SCFD2: variants seen among roughly 807,000 people sequenced by gnomAD.
The protein encoded by SCFD2 is sec1 family domain containing 2, also known as sec1 family domain-containing protein 2.
In SCFD2, 54 loss-of-function variants were observed where a neutral mutation model predicts 58.9. That is an observed-to-expected ratio of 0.92 (90% CI 0.74 to 1.15). The LOEUF is 1.15. Ranked by LOEUF, SCFD2 falls within the 50% of genes most tolerant of loss-of-function variation. The pLI, the probability that SCFD2 is intolerant of heterozygous loss-of-function variation, is 0.00. For synonymous variants in SCFD2, 321 were observed against 335.9 expected (o/e 0.96, Z 0.49); for missense variants, 805 against 836.6 (o/e 0.96, Z 0.47).
At chr4:53,184,181 G>A (rs1002721979) in intron 4 of SCFD2, among the ~76,000 whole-genome samples, 15 of 152,042 alleles carry the variant, frequency 9.9e-5, no homozygotes, top group Admixed American at 3.9e-4. Flanking sequence ...ACATCATTTA[G>A]TAACATAACC....
intron 4 of SCFD2, among the ~76,000 whole-genome samples, chr4:53,233,343 C>A (rs1234119953): frequency 6.6e-6 from 1 of 151,308 alleles, no homozygotes; most frequent in African/African-American, 2.4e-5. Flanking sequence ...CCCTTTTGGT[C>A]ATGCAAGAAT....
At chr4:53,116,274 G>A (rs1309216091) in intron 5 of SCFD2, among the ~76,000 whole-genome samples, 2 of 152,152 alleles carry the variant, frequency 1.3e-5, no homozygotes, top group Non-Finnish European at 1.5e-5. Context: ...CACATTAAAT[G>A]TTCATAGTGA....
chr4:53,098,628 T>G (rs1036204581), intron 5 of SCFD2, among the ~76,000 whole-genome samples: 1 of 152,108 alleles, frequency 6.6e-6, no homozygotes, highest in Non-Finnish European at 1.5e-5. Context: ...CTGTTCCCTC[T>G]CTCTGGAAAG....
chr4:53,344,136 T>A lies in SCFD2; in HGVS notation c.1007+8462A>T, dbSNP rs1288275334. ...GGTGAAAGAAATAAAGGATATTCAA[T>A]TAGGAAAAAAGGAAGTCAAATTGTC... On this transcript the variant is annotated intron_variant, in intron 2 of 8. Transcript: ENST00000401642. 2.6e-5 allele frequency among the ~76,000 whole-genome samples: 4 copies of A among 151,710 alleles called. No homozygotes were observed. In the East Asian group the frequency reaches 8.0e-4, roughly 30 times the overall value.
At chr4:53,160,037 A>T (rs954914764) in intron 4 of SCFD2, among the ~76,000 whole-genome samples, 2 of 152,226 alleles carry the variant, frequency 1.3e-5, no homozygotes, top group Admixed American at 6.5e-5. Flanking sequence ...GACTGGAACT[A>T]TGGCATGGGC....
chr4:53,122,601 T>C (rs1725512159), intron 5 of SCFD2, among the ~76,000 whole-genome samples: 1 of 152,166 alleles, frequency 6.6e-6, no homozygotes, highest in Non-Finnish European at 1.5e-5. Context: ...TAGTAGGCAA[T>C]ACACGCAGAC....
At chr4:52,883,712 T>C (rs905150782) in intron 8 of SCFD2, among the ~76,000 whole-genome samples, 5 of 152,170 alleles carry the variant, frequency 3.3e-5, no homozygotes, top group Non-Finnish European at 7.3e-5. Flanking sequence ...GAAGTGTGGT[T>C]TCTGATGAAA....
chr4:52,958,967 C>T (rs1720778001), intron 5 of SCFD2, among the ~76,000 whole-genome samples: 1 of 152,112 alleles, frequency 6.6e-6, no homozygotes, highest in African/African-American at 2.4e-5. Context: ...GTGTAATCCT[C>T]CCAATAACTC....
chr4:53,082,653 ACAGGGGTGACCAAGATT>A (rs1398114404), intron 5 of SCFD2, among the ~76,000 whole-genome samples: 9 of 152,258 alleles, frequency 5.9e-5, no homozygotes, highest in Admixed American at 5.2e-4. Context: ...ACCCTCACAC[ACAGGGGTGACCAAGATT>A]TAATCCACTG....
At chr4:53,253,567 T>G (rs1451363442) in intron 4 of SCFD2, among the ~76,000 whole-genome samples, 4 of 151,870 alleles carry the variant, frequency 2.6e-5, no homozygotes, top group Admixed American at 6.6e-5. Flanking sequence ...CCATAAAAAA[T>G]GATGAGTTCA....
intron 5 of SCFD2, among the ~76,000 whole-genome samples, chr4:53,063,244 A>T (rs1723565233): frequency 6.6e-6 from 1 of 152,118 alleles, no homozygotes; most frequent in Admixed American, 6.6e-5. Flanking sequence ...ACAAACAGTG[A>T]TCTTAGGACT....
At chr4:52,922,034 C>G (rs181645491) in intron 5 of SCFD2, among the ~76,000 whole-genome samples, 2 of 152,228 alleles carry the variant, frequency 1.3e-5, no homozygotes, top group Admixed American at 6.5e-5. Flanking sequence ...ATTAATACCC[C>G]CATTAGTGGC....
At chr4:53,297,333 A>G (rs1239466924) in intron 3 of SCFD2, among the ~76,000 whole-genome samples, 1 of 152,162 alleles carries the variant, frequency 6.6e-6, no homozygotes, top group African/African-American at 2.4e-5. Context: ...TATTGGGTAC[A>G]TATATATTTA....
intron 4 of SCFD2, among the ~76,000 whole-genome samples, chr4:53,249,262 A>T (rs1449924725): frequency 6.6e-6 from 1 of 152,138 alleles, no homozygotes; most frequent in Non-Finnish European, 1.5e-5. Context: ...GAGAAAAAAG[A>T]ACAAAAAGAA....
At chr4:52,896,843 G>A (rs1202010398) in intron 7 of SCFD2, among the ~76,000 whole-genome samples, 3 of 152,316 alleles carry the variant, frequency 2.0e-5, no homozygotes, top group East Asian at 3.9e-4. Flanking sequence ...TCACTGAGCA[G>A]TGGTTTGTAG....
chr4:52,909,013 A>AT (rs768383506), intron 6 of SCFD2, among the ~76,000 whole-genome samples: 14 of 151,996 alleles, frequency 9.2e-5, no homozygotes, highest in Admixed American at 2.0e-4. Context: ...CCAAGATGGA[A>AT]TTTTTTTTTA....
intron 3 of SCFD2, among the ~76,000 whole-genome samples, chr4:53,305,500 T>C (rs1366976246): frequency 6.6e-6 from 1 of 152,166 alleles, no homozygotes; most frequent in Non-Finnish European, 1.5e-5. Flanking sequence ...AAATACAAAG[T>C]ACCAGCTGTT....
chr4:53,160,825 C>A (rs1726831057), intron 4 of SCFD2, among the ~76,000 whole-genome samples: 1 of 152,124 alleles, frequency 6.6e-6, no homozygotes, highest in African/African-American at 2.4e-5. Context: ...CTATAAGGGG[C>A]ACTAGTTGAC....
intron 7 of SCFD2, among the ~76,000 whole-genome samples, chr4:52,893,248 C>CTCTT (rs1478216273): frequency 1.3e-5 from 2 of 152,052 alleles, no homozygotes; most frequent in African/African-American, 2.4e-5. Flanking sequence ...CTCTCTCTCT[C>CTCTT]TCTTTCTTTC....
Sources: gnomAD v4.1 joint callset for allele counts (sites outside exome capture counted in the v4.1 genomes callset) on GRCh38, gnomAD v4.1.1 for gene constraint, MANE v1.5 for transcripts, NCBI Gene and HGNC (gene_info 2026-07-23, HGNC 2026-07-21) for gene names.